ANTXR1: variants seen among roughly 807,000 people sequenced by gnomAD.
ANTXR1 encodes the protein anthrax toxin receptor 1.
In ANTXR1, 19 loss-of-function variants were observed where a neutral mutation model predicts 78.1. The ratio of observed to expected loss-of-function variants is 0.24; its 90% confidence interval spans 0.17 to 0.36. The LOEUF (loss-of-function observed/expected upper bound fraction) is 0.36. Among genes scored for constraint, ANTXR1 ranks in the 10% least tolerant of loss-of-function variants. The probability of loss-of-function intolerance (pLI) is 1.00; values close to 1 mark genes in which losing one functional copy is unlikely to be tolerated. For synonymous variants in ANTXR1, 273 were observed against 260.5 expected, an observed-to-expected ratio of 1.05 and a Z score of -0.46; for missense variants, 518 against 718.6, an observed-to-expected ratio of 0.72 and a Z score of 3.19.
chr2:69,125,848 A>G (rs1308730326), intron 12 of ANTXR1, among the ~76,000 whole-genome samples: 1 of 152,126 alleles, frequency 6.6e-6, no homozygotes, highest in Non-Finnish European at 1.5e-5. Flanking sequence ...CAAAAAAAAA[A>G]ATTAAAAAAA....
chr2:69,217,115 C>A (rs1675198013), intron 17 of ANTXR1, among the ~76,000 whole-genome samples: 1 of 152,186 alleles, frequency 6.6e-6, no homozygotes, highest in African/African-American at 2.4e-5. Flanking sequence ...TTTCGGCAAA[C>A]CTTTGCTCCC....
intron 13 of ANTXR1, among the ~76,000 whole-genome samples, chr2:69,165,421 G>A (rs1673801689): frequency 6.6e-6 from 1 of 152,224 alleles, no homozygotes; most frequent in Non-Finnish European, 1.5e-5. Flanking sequence ...CGAGTCCCCT[G>A]TTTTGTTCCA....
chr2:69,237,610 C>T (rs551768359), intron 17 of ANTXR1, among the ~76,000 whole-genome samples: 6 of 152,190 alleles, frequency 3.9e-5, no homozygotes, highest in Admixed American at 1.3e-4. Context: ...TTTGTAGATA[C>T]GGGGTCTCAC....
intron 3 of ANTXR1, among the ~76,000 whole-genome samples, chr2:69,066,350 G>T (rs1670399558): frequency 6.6e-6 from 1 of 151,856 alleles, no homozygotes; most frequent in Non-Finnish European, 1.5e-5. Context: ...AAGCTGGAGT[G>T]CAATGGCATG....
At chr2:69,189,768 T>G (rs1357842058) in intron 16 of ANTXR1, among the ~76,000 whole-genome samples, 1 of 152,150 alleles carries the variant, frequency 6.6e-6, no homozygotes, top group African/African-American at 2.4e-5. Context: ...TGGTACCCAG[T>G]GTGCCCATCT....
chr2:69,196,192 C>T (rs1346673651), intron 17 of ANTXR1, among the ~76,000 whole-genome samples: 6 of 152,146 alleles, frequency 3.9e-5, no homozygotes, highest in African/African-American at 1.4e-4. Context: ...TTTTGAGAGA[C>T]ATAATACCAC....
At chr2:69,235,511 G>C (rs1178636312) in intron 17 of ANTXR1, among the ~76,000 whole-genome samples, 1 of 151,878 alleles carries the variant, frequency 6.6e-6, no homozygotes, top group Admixed American at 6.6e-5. Context: ...AATTAGCCAG[G>C]TGTGGTGGTG....
At chr2:69,070,460 C>T (rs1050055628) in intron 3 of ANTXR1, among the ~76,000 whole-genome samples, 187 bp from the exon 4 acceptor site, 11 of 152,190 alleles carry the variant, frequency 7.2e-5, no homozygotes, top group Non-Finnish European at 1.5e-4. Context: ...CTTGAAATCT[C>T]ACTCATCCTG....
intron 3 of ANTXR1, among the ~76,000 whole-genome samples, chr2:69,065,535 A>C (rs1358539480): frequency 6.6e-6 from 1 of 152,178 alleles, no homozygotes; most frequent in South Asian, 2.1e-4. Context: ...AAATATAATA[A>C]AGGAATATTA....
intron 1 of ANTXR1, among the ~76,000 whole-genome samples, chr2:69,037,335 C>A (rs908464853): frequency 3.3e-5 from 5 of 152,160 alleles, no homozygotes; most frequent in Non-Finnish European, 5.9e-5. Context: ...GACCGATTGC[C>A]ACCCAGTATC....
intron 17 of ANTXR1, among the ~76,000 whole-genome samples, chr2:69,212,623 C>A (rs2104500059): frequency 6.6e-6 from 1 of 152,222 alleles, no homozygotes; most frequent in South Asian, 2.1e-4. Flanking sequence ...TGGGGGTTTT[C>A]TTGTAAACAA....
chr2:69,087,509 G>T (rs1052729768), intron 8 of ANTXR1, among the ~76,000 whole-genome samples: 1 of 152,168 alleles, frequency 6.6e-6, no homozygotes, highest in East Asian at 1.9e-4. Flanking sequence ...GTTCAGAAAA[G>T]TTAAGGGATT....
intron 17 of ANTXR1, among the ~76,000 whole-genome samples, chr2:69,194,202 C>G (rs1488025412): frequency 6.6e-6 from 1 of 152,226 alleles, no homozygotes; most frequent in African/African-American, 2.4e-5. Context: ...TCTGCCGAAA[C>G]AACACTATCA....
intron 9 of ANTXR1, 82 bp downstream of exon 9, chr2:69,091,001 T>G (rs1055210670): frequency 2.1e-5 from 29 of 1,391,554 alleles, no homozygotes; most frequent in African/African-American, 2.9e-5. Flanking sequence ...TCATTGTTGG[T>G]GGGGTGGGAA....
intron 11 of ANTXR1, among the ~76,000 whole-genome samples, chr2:69,123,647 C>T (rs551417485): frequency 3.3e-5 from 5 of 152,164 alleles, no homozygotes; most frequent in South Asian, 2.1e-4. Flanking sequence ...TCACCCAGAC[C>T]GGAAAAAATT....
intron 17 of ANTXR1, among the ~76,000 whole-genome samples, chr2:69,239,088 A>G (rs1411622382): frequency 6.6e-6 from 1 of 152,198 alleles, no homozygotes; most frequent in African/African-American, 2.4e-5. Context: ...AATAATAGAA[A>G]AGCAGAAGGC....
chr2:69,110,004 A>T (rs1671929155), intron 10 of ANTXR1, among the ~76,000 whole-genome samples: 1 of 152,236 alleles, frequency 6.6e-6, no homozygotes, highest in Non-Finnish European at 1.5e-5. Context: ...AGTAAAAGAT[A>T]TGCAAAGGAA....
At chr2:69,184,926 G>A (rs1049516744) in intron 16 of ANTXR1, among the ~76,000 whole-genome samples, 2 of 152,180 alleles carry the variant, frequency 1.3e-5, no homozygotes, top group Non-Finnish European at 2.9e-5. Flanking sequence ...AAGCACACTG[G>A]CTCTCAGCAT....
At chr2:69,100,523 TTTTATAGAGGA>T (rs1362164689) in intron 9 of ANTXR1, among the ~76,000 whole-genome samples, 1 of 152,224 alleles carries the variant, frequency 6.6e-6, no homozygotes, top group Non-Finnish European at 1.5e-5. Context: ...AGGCAGCCTC[TTTTATAGAGGA>T]TTTAGCAACT....
Sources: gnomAD v4.1 joint callset for allele counts (sites outside exome capture counted in the v4.1 genomes callset) on GRCh38, gnomAD v4.1.1 for gene constraint, MANE v1.5 for transcripts, NCBI Gene and HGNC (gene_info 2026-07-23, HGNC 2026-07-21) for gene names.